The following PEX5L variants were observed in gnomAD, a reference collection of about 807,000 sequenced individuals.
PEX5L encodes PEX5-related protein.
Under a neutral mutation model 84.0 loss-of-function variants are expected in PEX5L, and 30 were observed. The ratio of observed to expected loss-of-function variants is 0.36; its 90% CI spans 0.27 to 0.48. PEX5L has a LOEUF of 0.48. Among genes scored for constraint, PEX5L ranks in the 20% least tolerant of loss-of-function variants. PEX5L has a pLI of 0.99. For missense variants in PEX5L, 533 were observed against 754.6 expected, an observed-to-expected ratio of 0.71 and a Z score of 3.44; for synonymous variants, 270 against 283.1, an observed-to-expected ratio of 0.95 and a Z score of 0.46.
At chr3:179,981,694 A>G (rs756192970) in intron 1 of PEX5L, among the ~76,000 whole-genome samples, 6 of 152,218 alleles carry the variant, frequency 3.9e-5, no homozygotes, top group Non-Finnish European at 5.9e-5. Context: ...AATGAGAGAA[A>G]GAGAGAAAAA....
chr3:179,887,543 T>A, intron 4 of PEX5L, 130 bp downstream of exon 4: 1 of 678,724 alleles, frequency 1.5e-6, no homozygotes, highest in Non-Finnish European at 2.6e-6. Flanking sequence ...TGCTAAATAG[T>A]ATACATTCTA....
At chr3:179,951,279 GCTTTCTACTCCCGTGT>G (rs1779015194) in intron 2 of PEX5L, among the ~76,000 whole-genome samples, 1 of 152,114 alleles carries the variant, frequency 6.6e-6, no homozygotes, top group Non-Finnish European at 1.5e-5. Context: ...GAGATTACTA[GCTTTCTACTCCCGTGT>G]CTTTCTTCCT....
At chr3:179,831,832 C>T in intron 8 of PEX5L, among the ~76,000 whole-genome samples, 1 of 152,156 alleles carries the variant, frequency 6.6e-6, no homozygotes, top group Non-Finnish European at 1.5e-5. Flanking sequence ...AGGACCCATT[C>T]TGGGAACTGA....
intron 2 of PEX5L, among the ~76,000 whole-genome samples, chr3:179,941,305 C>A (rs74793561): frequency 0.016 from 2,429 of 152,330 alleles, 73 homozygotes; most frequent in African/African-American, 0.056. Flanking sequence ...TTTCCCCCAA[C>A]TGGAATTCTG....
chr3:180,025,283 G>C (rs1251230878), intron 1 of PEX5L, among the ~76,000 whole-genome samples: 1 of 152,180 alleles, frequency 6.6e-6, no homozygotes, highest in East Asian at 1.9e-4. Flanking sequence ...ACTCAGGACA[G>C]TAAGGACTCT....
At chr3:179,992,937 G>A (rs1787521656) in intron 1 of PEX5L, among the ~76,000 whole-genome samples, 1 of 151,762 alleles carries the variant, frequency 6.6e-6, no homozygotes, top group Non-Finnish European at 1.5e-5. Flanking sequence ...CTTGCAGAAC[G>A]CACAGTCTAT....
At position 179,965,670 on chromosome 3, in the gene PEX5L, C is replaced by T. The variant is rs568426206; in HGVS notation, c.93+5924G>A. On this transcript the variant is annotated intron_variant, in intron 2 of 14. Transcript: ENST00000467460. ...TTGCCCTTTGTGTTTTTCCTAGAGT[C>T]CAGTGATGCTTAGGAGAATCAGTAC... Among the ~76,000 whole-genome samples the T allele has an allele frequency of 2.6e-5, 4 of 152,136 alleles. No individual in the cohort carries two copies. In the East Asian group the frequency reaches 7.7e-4, roughly 29 times the overall value.
intron 8 of PEX5L, among the ~76,000 whole-genome samples, chr3:179,853,569 T>C (rs1206434396): frequency 6.6e-6 from 1 of 152,130 alleles, no homozygotes; most frequent in Non-Finnish European, 1.5e-5. Context: ...GCATCCTTCC[T>C]AGGGACCTAG....
At chr3:179,804,825 A>T (rs576357870) in intron 14 of PEX5L, among the ~76,000 whole-genome samples, 119 of 152,260 alleles carry the variant, frequency 7.8e-4, no homozygotes, top group African/African-American at 2.8e-3. Context: ...TTTAAGATTT[A>T]TGTCTCTCTC....
At chr3:179,823,756 C>T (rs1729360640) in intron 8 of PEX5L, among the ~76,000 whole-genome samples, 3 of 152,188 alleles carry the variant, frequency 2.0e-5, no homozygotes, top group Non-Finnish European at 4.4e-5. Flanking sequence ...TTGAGCAAGT[C>T]ACTTTAACTC....
intron 8 of PEX5L, among the ~76,000 whole-genome samples, chr3:179,856,569 G>A (rs898211147): frequency 2.6e-5 from 4 of 152,118 alleles, no homozygotes; most frequent in Admixed American, 6.6e-5. Flanking sequence ...TATGTCTTCC[G>A]CTATGAATTT....
At chr3:179,808,976 A>T (rs1334144223) in intron 12 of PEX5L, among the ~76,000 whole-genome samples, 1 of 142,050 alleles carries the variant, frequency 7.0e-6, no homozygotes, top group Non-Finnish European at 1.5e-5. Context: ...CGGGAGGCTG[A>T]GGCAGGAGAA....
At chr3:179,995,875 T>C (rs1034609888) in intron 1 of PEX5L, among the ~76,000 whole-genome samples, 2 of 152,180 alleles carry the variant, frequency 1.3e-5, no homozygotes, top group African/African-American at 4.8e-5. Context: ...AATGGGACCC[T>C]GCAACTTGGA....
intron 1 of PEX5L, among the ~76,000 whole-genome samples, chr3:179,994,908 A>G (rs1787718739): frequency 1.3e-5 from 2 of 151,558 alleles, no homozygotes; most frequent in African/African-American, 4.9e-5. Context: ...CTGTTTTGGG[A>G]CTCGGACTGG....
rs1455661144 is a variant in PEX5L, at chr3:179,797,600, AAAAAAATAT to A, written c.*4219_*4227del. On this transcript the variant is annotated 3_prime_UTR_variant, in exon 15 of 15. Transcript: ENST00000467460. ...CTATGAACACTCTTTAAAAAAAAAA[AAAAAAATAT>A]ATATATATATATATATATATATCTA... The A allele has an allele frequency of 1.5e-4, 16 of 109,868 alleles. No homozygotes were observed. Among genetic ancestry groups the A allele is most frequent in the African/African-American group, 5.0e-4 (13 of 25,952 alleles). 6.8% of individuals were successfully genotyped at this position (109,868 alleles called of 1,614,324 possible).
chr3:179,881,268 A>G (rs1754082010), intron 4 of PEX5L: 1 of 152,244 alleles, frequency 6.6e-6, no homozygotes, highest in Non-Finnish European at 1.5e-5. Context: ...TTGAACTCAC[A>G]ACCTGGATTT....
intron 1 of PEX5L, among the ~76,000 whole-genome samples, chr3:180,013,429 A>G (rs1789660599): frequency 6.6e-6 from 1 of 152,216 alleles, no homozygotes; most frequent in South Asian, 2.1e-4. Flanking sequence ...CTTACAAAAC[A>G]AAACAAATTC....
intron 7 of PEX5L, among the ~76,000 whole-genome samples, chr3:179,872,316 AG>A (rs1750680080): frequency 1.3e-5 from 2 of 152,316 alleles, no homozygotes; most frequent in Middle Eastern, 6.8e-3. Context: ...ATTTAACCAT[AG>A]GCTGAAATTA....
At chr3:179,874,554 A>G in intron 6 of PEX5L, 131 bp from the exon 7 acceptor site, 1 of 553,334 alleles carries the variant, frequency 1.8e-6, no homozygotes, top group East Asian at 3.1e-5. Context: ...TTCTGATGAT[A>G]GAGATAAGTT....
Sources: gnomAD v4.1 joint callset for allele counts (sites outside exome capture counted in the v4.1 genomes callset) on GRCh38, gnomAD v4.1.1 for gene constraint, MANE v1.5 for transcripts, NCBI Gene and HGNC (gene_info 2026-07-23, HGNC 2026-07-21) for gene names.